DOP1B: variants seen among roughly 807,000 people sequenced by gnomAD.
The protein encoded by DOP1B is protein DOP1B.
DOP1B carries 174 observed loss-of-function variants against 233.5 expected under a neutral mutation model. The observed-to-expected ratio is 0.75, with a 90% CI of 0.66 to 0.85. The LOEUF is 0.85. DOP1B is among the 40% of genes least tolerant of loss of function. The pLI is 0.00. For synonymous variants in DOP1B, 1,190 were observed against 1,185.6 expected, an observed-to-expected ratio of 1.00 and a Z score of -0.08; for missense variants, 2,652 against 2,846.6, an observed-to-expected ratio of 0.93 and a Z score of 1.56.
intron 26 of DOP1B, among the ~76,000 whole-genome samples, chr21:36,264,658 A>G (rs1286293048): frequency 6.6e-6 from 1 of 151,866 alleles, no homozygotes; most frequent in Non-Finnish European, 1.5e-5. Context: ...TTTTTAGTAG[A>G]GGCGGGCTTT....
At chr21:36,233,857 T>TTTG (rs1331069462) in intron 15 of DOP1B, among the ~76,000 whole-genome samples, 3 of 152,070 alleles carry the variant, frequency 2.0e-5, no homozygotes, top group Non-Finnish European at 2.9e-5. Flanking sequence ...ATTGACTTTT[T>TTTG]TTGTTGTTGT....
rs193086511 is a variant in DOP1B, at chr21:36,191,524, G to A, written c.139-7546G>A. 3.9e-4 allele frequency among the ~76,000 whole-genome samples: 59 copies of A among 152,276 alleles called. 1 individual carries two copies. The highest frequency in any genetic ancestry group is 3.7e-3 in the Admixed American group (57 of 15,292). ...GGCTAGGCTGGGCGAGGTGGCTCAC[G>A]CCTGTAATCCCAACACTTTGGGAGG... On this transcript the variant is annotated intron_variant, in intron 2 of 36. Transcript: ENST00000691173.
intron 35 of DOP1B, among the ~76,000 whole-genome samples, chr21:36,289,767 A>T (rs753522811): frequency 6.6e-6 from 1 of 152,194 alleles, no homozygotes; most frequent in African/African-American, 2.4e-5. Context: ...TTAAATGCAC[A>T]TTGCTAAGTG....
At position 36,219,228 on chromosome 21, in the gene DOP1B, G is replaced by C. The variant is rs529546334; in HGVS notation, c.1130-144G>C. ...CCCAGCTAAAGTTGTCACCAGTAAA[G>C]TTAAGTTTCTGTATATTTTAGACTA... is the stretch of plus-strand genomic sequence containing the variant. On this transcript the variant is annotated intron_variant, in intron 9 of 36. Coordinates refer to ENST00000691173, the MANE Select transcript of DOP1B (RefSeq NM_001320714.2). 920 of 1,136,946 alleles carry C rather than the reference G, an allele frequency of 8.1e-4. 1 individual carries two copies. Among genetic ancestry groups the C allele is most frequent in the African/African-American group, 1.2e-3 (75 of 64,200 alleles). The allele number at this position is 1,136,946 out of a possible 1,614,324, so 70.4% of individuals were successfully genotyped here.
intron 12 of DOP1B, 100 bp from the exon 13 acceptor site, chr21:36,227,586 T>C: frequency 9.7e-7 from 1 of 1,032,338 alleles, no homozygotes; most frequent in Non-Finnish European, 1.4e-6. Context: ...TAGTGTGAAA[T>C]TTATGCCCTA....
rs1347697192 is a variant in DOP1B at position 36,257,832 on chromosome 21, G to GAT, written c.5260-2845_5260-2844insAT. On this transcript the variant is annotated intron_variant, in intron 23 of 36. Coordinates refer to ENST00000691173, the MANE Select transcript of DOP1B (RefSeq NM_001320714.2). The stretch of plus-strand genomic sequence containing the variant: ...GTATGTAGATAGATGTAGGTAGGTA[G>GAT]GTAGATGTAGATAGGTAGGTAGGTA... Among the ~76,000 whole-genome samples the GAT allele has an allele frequency of 9.3e-5, 14 of 151,032 alleles. 1 individual carries two copies. The highest frequency in any genetic ancestry group is 3.2e-4 in the African/African-American group (13 of 40,858).
At chr21:36,198,947 T>C in intron 2 of DOP1B, 123 bp from the exon 3 acceptor site, 1 of 1,036,616 alleles carries the variant, frequency 9.6e-7, no homozygotes, top group Non-Finnish European at 1.4e-6. Context: ...CTTTGTTGTG[T>C]ATGTCTCTTT....
chr21:36,273,593 A>G (rs960664775), intron 27 of DOP1B, among the ~76,000 whole-genome samples: 1 of 152,110 alleles, frequency 6.6e-6, no homozygotes, highest in Non-Finnish European at 1.5e-5. Context: ...GAGAGATGAA[A>G]GACAAGGGGA....
chr21:36,217,066 C>G (rs974510799), intron 9 of DOP1B, among the ~76,000 whole-genome samples: 1 of 112,526 alleles, frequency 8.9e-6, no homozygotes, highest in African/African-American at 3.7e-5. Flanking sequence ...CAGAGCGAGA[C>G]TCCATCTCAA....
intron 18 of DOP1B, among the ~76,000 whole-genome samples, chr21:36,241,609 A>C (rs1175787431): frequency 1.4e-5 from 2 of 146,888 alleles, no homozygotes; most frequent in African/African-American, 5.0e-5. Context: ...CCCGGGTTCA[A>C]GTGATTCTCC....
rs1342086072 is a variant in DOP1B, at chr21:36,200,455, G to A, written c.445G>A (p.Val149Met). The A allele has an allele frequency of 2.5e-6, 4 of 1,612,838 alleles. No homozygotes were observed. Among genetic ancestry groups the A allele is most frequent in the African/African-American group, 2.7e-5 (2 of 74,918 alleles). ...LLLPSLQAFI[V>M]GLLPGLEEGS... ...CCTGCCCAGTCTGCAGGCCTTCATCGTGGGCCTGCTGCCCGGCCTTGAAGA... is the reference window on the plus strand; with the variant it reads ...CCTGCCCAGTCTGCAGGCCTTCATCATGGGCCTGCTGCCCGGCCTTGAAGA... The change falls in exon 4 of 37, where the codon GTG becomes ATG. Residue 149 changes from valine (V) to methionine (M), a missense_variant. Val to Met is a conservative substitution (Grantham distance 21). This residue lies in a region of DOP1B where 2,617 missense variants were observed against 2,794.3 expected (regional missense o/e 0.94). Coordinates refer to ENST00000691173, the MANE Select transcript of DOP1B (RefSeq NM_001320714.2).
At chr21:36,163,313 C>T (rs1282579624) in intron 1 of DOP1B, among the ~76,000 whole-genome samples, 1 of 139,508 alleles carries the variant, frequency 7.2e-6, no homozygotes, top group Non-Finnish European at 1.5e-5. Flanking sequence ...CACCGCACTC[C>T]AGCTTGGTCA....
intron 2 of DOP1B, among the ~76,000 whole-genome samples, chr21:36,176,103 T>TGTGTGTGTGC (rs2066025510): frequency 2.8e-5 from 4 of 141,920 alleles, no homozygotes; most frequent in African/African-American, 7.6e-5. Flanking sequence ...TGTGCGTGTG[T>TGTGTGTGTGC]GTGTGTGTGT....
intron 23 of DOP1B, among the ~76,000 whole-genome samples, chr21:36,257,705 T>C (rs2067119535): frequency 6.8e-6 from 1 of 146,254 alleles, no homozygotes; most frequent in Non-Finnish European, 1.5e-5. Context: ...GGTAGAGAGA[T>C]GGATGTAGGT....
intron 2 of DOP1B, among the ~76,000 whole-genome samples, chr21:36,181,101 G>A (rs116127833): frequency 0.013 from 2,053 of 152,218 alleles, 36 homozygotes; most frequent in African/African-American, 0.047. Flanking sequence ...GAATAGCAAT[G>A]TTGCTATCAG....
At chr21:36,253,370 C>T (rs146101920) in intron 22 of DOP1B, among the ~76,000 whole-genome samples, 2 of 152,276 alleles carry the variant, frequency 1.3e-5, no homozygotes, top group East Asian at 1.9e-4. Context: ...TTATGTTGTT[C>T]CCCTGGGTGG....
chr21:36,230,647 G>A lies in DOP1B; in HGVS notation c.1863G>A (p.Gly621=). Residue 621 remains glycine, a synonymous_variant, in exon 14 of 37, where the codon GGG becomes GGA. Transcript: ENST00000691173. ...LERDDVWKKG[G]SMQRTFLCIQ... The stretch of plus-strand genomic sequence containing the variant: ...GGGACGACGTTTGGAAGAAGGGCGG[G>A]AGCATGCAGAGGACGTTTCTTTGCA... 1 of 1,614,192 alleles carries A rather than the reference G, an allele frequency of 6.2e-7. No individual in the cohort carries two copies.
At chr21:36,266,772 C>G (rs2067235380) in intron 26 of DOP1B, among the ~76,000 whole-genome samples, 1 of 152,212 alleles carries the variant, frequency 6.6e-6, no homozygotes. Context: ...CAGCCACAAC[C>G]ATCTAAGACA....
Position 36,180,408 on chromosome 21 carries a change from A to G in DOP1B, c.138+15537A>G, listed in dbSNP as rs187775185. Among the ~76,000 whole-genome samples the G allele has an allele frequency of 1.6e-3, 244 of 151,652 alleles. 1 individual carries two copies. The highest frequency in any genetic ancestry group is 5.6e-3 in the African/African-American group (232 of 41,324). On this transcript the variant is annotated intron_variant, in intron 2 of 36. Coordinates refer to ENST00000691173, the MANE Select transcript of DOP1B (RefSeq NM_001320714.2). ...ACATGGTGAAACCTCATCTTTACCA[A>G]AAATACAAAAAATTAGCTGGGTGTG...
Sources: gnomAD v4.1 joint callset for allele counts (sites outside exome capture counted in the v4.1 genomes callset) on GRCh38, gnomAD v4.1.1 for gene constraint, gnomAD v4.1.1 regional missense constraint, MANE v1.5 for transcripts, NCBI Gene and HGNC (gene_info 2026-07-23, HGNC 2026-07-21) for gene names.